The following TGIF2 variants were observed in gnomAD, a reference collection of about 807,000 sequenced individuals.
The protein encoded by TGIF2 is homeobox protein TGIF2.
TGIF2 carries 5 observed loss-of-function variants against 15.1 expected under a neutral mutation model. The observed-to-expected ratio is 0.33, with a 90% CI of 0.17 to 0.70. The LOEUF is 0.70. Among genes scored for constraint, TGIF2 ranks in the 30% least tolerant of loss-of-function variants. The pLI is 0.67. For synonymous variants in TGIF2, 131 were observed against 128.9 expected (o/e 1.02, Z -0.11); for missense variants, 264 against 302.5 (o/e 0.87, Z 0.94).
intron 1 of TGIF2, chr20:36,574,449 G>A (rs992654199): frequency 6.7e-6 from 1 of 149,090 alleles, no homozygotes; most frequent in Admixed American, 6.6e-5. Context: ...TGGGGGGGGG[G>A]GGGCGGCGCG....
At chr20:36,589,804 T>A (rs1407936040) in intron 2 of TGIF2, among the ~76,000 whole-genome samples, 1 of 152,052 alleles carries the variant, frequency 6.6e-6, no homozygotes, top group East Asian at 1.9e-4. Flanking sequence ...TCCTATCACC[T>A]CAGCCTCGCA....
chr20:36,590,541 G>T (rs1401219646), intron 2 of TGIF2, among the ~76,000 whole-genome samples: 1 of 30,298 alleles, frequency 3.3e-5, no homozygotes, highest in African/African-American at 4.9e-5. Flanking sequence ...GGGGTCCTGA[G>T]ACATAGTAAG....
At chr20:36,578,601 C>A in intron 1 of TGIF2, 140 bp from the exon 2 acceptor site, 1 of 942,204 alleles carries the variant, frequency 1.1e-6, no homozygotes, top group Non-Finnish European at 1.5e-6. Context: ...CTTGCTCGGT[C>A]TGTGTTACGG....
At chr20:36,588,324 T>G (rs997505266) in intron 2 of TGIF2, among the ~76,000 whole-genome samples, 8 of 148,088 alleles carry the variant, frequency 5.4e-5, no homozygotes, top group Admixed American at 1.3e-4. Context: ...GTTCCCTTCC[T>G]TCATCCCACC....
At chr20:36,586,703 C>CA (rs1555926544) in intron 2 of TGIF2, among the ~76,000 whole-genome samples, 85 of 131,936 alleles carry the variant, frequency 6.4e-4, no homozygotes, top group African/African-American at 1.3e-3. Flanking sequence ...TCCCCCCCCC[C>CA]AAAAAAAAAA....
In TGIF2 at chr20:36,588,754, G is replaced by A. The variant is rs370499147; in HGVS notation, c.193-2156G>A. Among the ~76,000 whole-genome samples the A allele has an allele frequency of 3.6e-4, 55 of 152,254 alleles. No homozygotes were observed. The East Asian group carries it at 8.9e-3, about 25-fold the overall frequency. ...TATGAGCCTTCCAGCCCGACAGCCT[G>A]GTGCTGTCTTTGAGTCACCTGTGGA... is the stretch of plus-strand genomic sequence containing the variant. On this transcript the variant is annotated intron_variant, in intron 2 of 2. Transcript: ENST00000373872.
At chr20:36,577,486 C>T (rs1313050303) in intron 1 of TGIF2, among the ~76,000 whole-genome samples, 2 of 151,496 alleles carry the variant, frequency 1.3e-5, no homozygotes, top group Admixed American at 6.6e-5. Flanking sequence ...GCTGGGATTA[C>T]GAGCGTGAGC....
chr20:36,578,632 C>A, intron 1 of TGIF2, 109 bp from the exon 2 acceptor site: 1 of 1,236,694 alleles, frequency 8.1e-7, no homozygotes, highest in Non-Finnish European at 1.1e-6. Context: ...TGAATTGCAA[C>A]TACCCCATTT....
chr20:36,577,530 T>G (rs1051112886), intron 1 of TGIF2, among the ~76,000 whole-genome samples: 67 of 151,420 alleles, frequency 4.4e-4, no homozygotes, highest in Non-Finnish European at 2.8e-4. Context: ...TTTTGTTTTT[T>G]TTTTTTTGAG....
Position 36,578,821 on chromosome 20 carries a change from C to G in TGIF2, c.47C>G (p.Ala16Gly), listed in dbSNP as rs371719080. 1.2e-6 allele frequency: 2 copies of G among 1,614,070 alleles called. No homozygotes were observed. Among genetic ancestry groups the G allele is most frequent in the African/African-American group, 2.7e-5 (2 of 75,048 alleles). Residue 16 changes from alanine (A) to glycine (G), a missense_variant, in exon 2 of 3, where the codon GCG becomes GGG. By Grantham distance (60) the Ala-to-Gly change is moderately conservative (BLOSUM62 0). Coordinates refer to ENST00000373872, the MANE Select transcript of TGIF2 (RefSeq NM_021809.7). ...LGEDEGLLSLAGKRKRRGNLP... is the reference protein window; with the variant it reads ...LGEDEGLLSLGGKRKRRGNLP... ...GAGGACGAAGGCCTCCTCTCCCTGG[C>G]GGGCAAAAGGAAGCGCAGGGGGAAC... is the stretch of plus-strand genomic sequence containing the variant.
intron 1 of TGIF2, among the ~76,000 whole-genome samples, chr20:36,574,229 C>T (rs865913881): frequency 2.6e-5 from 4 of 151,834 alleles, no homozygotes; most frequent in Non-Finnish European, 4.4e-5. Context: ...CGCGAGTTCC[C>T]CTTTCCTTTG....
chr20:36,580,193 C>T (rs2038515701), intron 2 of TGIF2, among the ~76,000 whole-genome samples: 1 of 152,186 alleles, frequency 6.6e-6, no homozygotes, highest in Admixed American at 6.5e-5. Flanking sequence ...CTGTCTCTCC[C>T]TCCTTCCCTT....
At chr20:36,586,816 CTCAGTGCCTTTGCTTCCTTGACACAAAA>C (rs1455452466) in intron 2 of TGIF2, among the ~76,000 whole-genome samples, 1 of 152,000 alleles carries the variant, frequency 6.6e-6, no homozygotes, top group African/African-American at 2.4e-5. Flanking sequence ...GGAAAGGCGC[CTCAGTGCCTTTGCTTCCTTGACACAAAA>C]ATGAGAGGGT....
chr20:36,577,064 A>G (rs965036931), intron 1 of TGIF2, among the ~76,000 whole-genome samples: 1 of 151,990 alleles, frequency 6.6e-6, no homozygotes, highest in African/African-American at 2.4e-5. Context: ...CCAGGTTGAC[A>G]TGCACTGGTG....
At chr20:36,590,842 A>C in intron 2 of TGIF2, 68 bp from the exon 3 acceptor site, 3 of 1,472,128 alleles carry the variant, frequency 2.0e-6, no homozygotes, top group Non-Finnish European at 2.7e-6. Context: ...TACAGGTGTG[A>C]GCCACTGTGC....
In TGIF2 at chr20:36,578,835, C is replaced by A. The variant is rs777710225; in HGVS notation, c.61C>A (p.Arg21Ser). 2 of 1,614,140 alleles carry A rather than the reference C, an allele frequency of 1.2e-6. No individual in the cohort carries two copies. Among genetic ancestry groups the A allele is most frequent in the Non-Finnish European group, 1.7e-6 (2 of 1,180,014 alleles). ...GLLSLAGKRK[R>S]RGNLPKESVK... is the part of the protein sequence containing the mutation. ...CCTCTCCCTGGCGGGCAAAAGGAAG[C>A]GCAGGGGGAACCTGCCCAAGGAGTC... is the stretch of plus-strand genomic sequence containing the variant. Residue 21 changes from arginine to serine, a missense_variant, in exon 2 of 3, where the codon CGC becomes AGC. By Grantham distance (110) the Arg-to-Ser change is moderately radical. Coordinates refer to ENST00000373872, the MANE Select transcript of TGIF2 (RefSeq NM_021809.7).
rs532801015 is a variant in TGIF2 at position 36,586,452 on chromosome 20, T to A, written c.193-4458T>A. 7.9e-5 allele frequency among the ~76,000 whole-genome samples: 12 copies of A among 152,278 alleles called. No homozygotes were observed. The East Asian group carries it at 2.3e-3, about 29-fold the overall frequency. Reference sequence around the variant, plus strand: ...TGCTCTGCCTGTAATCCCAGCACTTTGGGAGGCCAAAGCGGGCAGATCACT... The same window carrying A: ...TGCTCTGCCTGTAATCCCAGCACTTAGGGAGGCCAAAGCGGGCAGATCACT... On this transcript the variant is annotated intron_variant, in intron 2 of 2. Transcript: ENST00000373872.
upstream of TGIF2, chr20:36,573,537 C>T (rs1448328868): frequency 6.6e-6 from 1 of 151,564 alleles, no homozygotes; most frequent in Non-Finnish European, 1.5e-5. Context: ...TTGTTTTCTC[C>T]CTCCGGGCGG....
intron 1 of TGIF2, among the ~76,000 whole-genome samples, chr20:36,575,208 C>T (rs1298622886): frequency 6.6e-6 from 1 of 151,872 alleles, no homozygotes; most frequent in South Asian, 2.1e-4. Flanking sequence ...AAGGCTTGAG[C>T]GATGGGTCCG....
Sources: gnomAD v4.1 joint callset for allele counts (sites outside exome capture counted in the v4.1 genomes callset) on GRCh38, gnomAD v4.1.1 for gene constraint, MANE v1.5 for transcripts, NCBI Gene and HGNC (gene_info 2026-07-23, HGNC 2026-07-21) for gene names.